The following PARP8 variants were observed in gnomAD, a reference collection of about 807,000 sequenced individuals.
PARP8 encodes protein mono-ADP-ribosyltransferase PARP8.
PARP8 carries 51 observed loss-of-function variants against 124.1 expected under a neutral mutation model. That is an observed-to-expected ratio of 0.41 (90% CI 0.33 to 0.52). PARP8 has a LOEUF of 0.52. Ranked by LOEUF, PARP8 falls within the 20% of genes least tolerant of loss-of-function variation. The probability of loss-of-function intolerance (pLI) is 0.21; values close to 1 mark genes in which losing one functional copy is unlikely to be tolerated. For missense variants in PARP8, 860 were observed against 1,018.9 expected (o/e 0.84, Z 2.12); for synonymous variants, 391 against 361.5 (o/e 1.08, Z -0.93).
At chr5:50,815,293 G>C (rs577925217) in intron 14 of PARP8, 139 bp from the exon 15 acceptor site, 3 of 526,604 alleles carry the variant, frequency 5.7e-6, no homozygotes, top group Non-Finnish European at 9.7e-6. Context: ...AATTTATTTC[G>C]TATTAAAATG....
intron 25 of PARP8, among the ~76,000 whole-genome samples, chr5:50,839,290 A>G (rs1027957309): frequency 1.3e-5 from 2 of 152,020 alleles, no homozygotes; most frequent in African/African-American, 4.8e-5. Flanking sequence ...TCATTCTACC[A>G]AAACCCAGTC....
intron 2 of PARP8, among the ~76,000 whole-genome samples, chr5:50,719,881 A>G (rs1336020539): frequency 6.6e-6 from 1 of 152,120 alleles, no homozygotes; most frequent in East Asian, 1.9e-4. Context: ...GATTTTCATT[A>G]TGAAAAGTCA....
At chr5:50,807,042 T>C (rs918623086) in intron 14 of PARP8, among the ~76,000 whole-genome samples, 5 of 151,998 alleles carry the variant, frequency 3.3e-5, no homozygotes, top group African/African-American at 1.2e-4. Context: ...TACATTTGCA[T>C]TTGTTAGATC....
chr5:50,730,156 G>C (rs1756831538), intron 2 of PARP8, among the ~76,000 whole-genome samples: 2 of 152,168 alleles, frequency 1.3e-5, no homozygotes, highest in South Asian at 4.1e-4. Flanking sequence ...TCTCAGTTCA[G>C]ATTTTAGGAG....
At chr5:50,839,046 C>G (rs1747887996) in intron 25 of PARP8, among the ~76,000 whole-genome samples, 1 of 151,960 alleles carries the variant, frequency 6.6e-6, no homozygotes, top group South Asian at 2.1e-4. Context: ...AGGTGGGTCT[C>G]AAACTCCTGG....
chr5:50,761,409 T>C (rs999379330), intron 5 of PARP8, among the ~76,000 whole-genome samples: 6 of 152,140 alleles, frequency 3.9e-5, no homozygotes, highest in Non-Finnish European at 8.8e-5. Flanking sequence ...AAGTTTCTTT[T>C]TTTTCATACC....
Position 50,788,593 on chromosome 5 carries a change from A to G in PARP8, c.737+4A>G. ...GATTGGGACATCAGCTGAAAAAGTA[A>G]GTTTGCTAAAGTGCAAAAAATAAAT... is the stretch of plus-strand genomic sequence containing the variant. On this transcript the variant is annotated splice_donor_region_variant and intron_variant, in intron 10 of 25. Coordinates refer to ENST00000281631, the MANE Select transcript of PARP8 (RefSeq NM_024615.4). 2.5e-6 allele frequency: 4 copies of G among 1,608,654 alleles called. No homozygotes were observed. The highest frequency in any genetic ancestry group is 3.4e-6 in the Non-Finnish European group (4 of 1,175,836).
chr5:50,793,231 G>A (rs768520999), intron 10 of PARP8, among the ~76,000 whole-genome samples: 6 of 152,200 alleles, frequency 3.9e-5, no homozygotes, highest in Admixed American at 3.3e-4. Context: ...AAAGCAATGT[G>A]TTAGAAATAA....
rs372997958 is a variant in PARP8 at position 50,739,709 on chromosome 5, CATATAT to C, written c.147-10423_147-10418del. Among the ~76,000 whole-genome samples the C allele has an allele frequency of 7.8e-3, 783 of 100,972 alleles. 61 individuals are homozygous for C. Among genetic ancestry groups the C allele is most frequent in the African/African-American group, 0.019 (438 of 23,674 alleles). 66.2% of individuals were successfully genotyped at this position (100,972 alleles called of 152,430 possible). A position where few individuals can be genotyped will look rare whatever the true frequency, so the allele number is the denominator to read the frequency against. On this transcript the variant is annotated intron_variant, in intron 2 of 25. Transcript: ENST00000281631. Reference sequence around the variant, plus strand: ...GACTTGGAAGATCAATGGGTATATACATATATATATATATATATATATATTTTTTTT... The same window carrying C: ...GACTTGGAAGATCAATGGGTATATACATATATATATATATATATTTTTTTT...
Position 50,806,432 on chromosome 5 carries a change from T to C in PARP8, c.1576-9000T>C, listed in dbSNP as rs1743850212. 3.9e-5 allele frequency among the ~76,000 whole-genome samples: 6 copies of C among 152,084 alleles called. 1 individual carries two copies. The South Asian group carries it at 1.2e-3, about 31-fold the overall frequency. ...AAATACTAGTTACTATTAGTATTCT[T>C]GGTGTCTCACTCCAAATTTTGTTTG... On this transcript the variant is annotated intron_variant, in intron 14 of 25. Coordinates refer to ENST00000281631, the MANE Select transcript of PARP8 (RefSeq NM_024615.4).
chr5:50,833,323 C>A, intron 23 of PARP8: 2 of 389,306 alleles, frequency 5.1e-6, no homozygotes, highest in South Asian at 1.9e-5. Context: ...TGAGTCAAGA[C>A]CTACAGATGA....
intron 2 of PARP8, among the ~76,000 whole-genome samples, chr5:50,722,492 G>A (rs559964825): frequency 6.6e-6 from 1 of 152,106 alleles, no homozygotes; most frequent in South Asian, 2.1e-4. Flanking sequence ...ATGGAGCTGA[G>A]TCCCCCACTC....
chr5:50,838,079 G>T (rs747089496), intron 25 of PARP8, among the ~76,000 whole-genome samples: 1 of 152,050 alleles, frequency 6.6e-6, no homozygotes, highest in East Asian at 1.9e-4. Context: ...AAATGCTCAC[G>T]TTATAACTGT....
chr5:50,757,583 T>C (rs1760103754), intron 3 of PARP8, among the ~76,000 whole-genome samples: 1 of 152,108 alleles, frequency 6.6e-6, no homozygotes, highest in Non-Finnish European at 1.5e-5. Context: ...TAAACACTAA[T>C]CAAAATACAA....
chr5:50,839,936 A>G (rs1747996240), intron 25 of PARP8, among the ~76,000 whole-genome samples: 1 of 151,910 alleles, frequency 6.6e-6, no homozygotes, highest in Non-Finnish European at 1.5e-5. Context: ...TATTTGAATG[A>G]TGAAGGAACT....
intron 22 of PARP8, 108 bp downstream of exon 22, chr5:50,830,069 T>C: frequency 1.6e-6 from 2 of 1,230,698 alleles, no homozygotes; most frequent in African/African-American, 1.5e-5. Context: ...TATATTTTTA[T>C]TAAATTTGTT....
chr5:50,694,609 T>C (rs533870595), intron 2 of PARP8, among the ~76,000 whole-genome samples: 1 of 152,250 alleles, frequency 6.6e-6, no homozygotes, highest in African/African-American at 2.4e-5. Flanking sequence ...CATTGAGATA[T>C]TACCTTCTAG....
In PARP8 at chr5:50,811,843, G is replaced by GT. The variant is rs1471261136; in HGVS notation, c.1576-3585dup. Among the ~76,000 whole-genome samples the GT allele has an allele frequency of 1.5e-4, 23 of 152,056 alleles. 1 individual carries two copies. Among genetic ancestry groups the GT allele is most frequent in the Non-Finnish European group, 7.4e-5 (5 of 68,002 alleles). ...TATGAGTGAGAACACGCGGTGTTTG[G>GT]TTTTCTGTCTTTGCGATAGTTTGCT... On this transcript the variant is annotated intron_variant, in intron 14 of 25. Coordinates refer to ENST00000281631, the MANE Select transcript of PARP8 (RefSeq NM_024615.4).
Position 50,799,656 on chromosome 5 carries a change from C to G in PARP8, c.1575+2423C>G, listed in dbSNP as rs534661669. On this transcript the variant is annotated intron_variant, in intron 14 of 25. Coordinates refer to ENST00000281631, the MANE Select transcript of PARP8 (RefSeq NM_024615.4). Reference sequence around the variant, plus strand: ...TTGTAAATCGGTTTGAAGACTGTTGCCATTGGCTATAGACTGGATGTGTTC... The same window carrying G: ...TTGTAAATCGGTTTGAAGACTGTTGGCATTGGCTATAGACTGGATGTGTTC... Among the ~76,000 whole-genome samples, 5 of 152,198 alleles carry G rather than the reference C, an allele frequency of 3.3e-5. No individual in the cohort carries two copies. In the South Asian group the frequency reaches 8.3e-4, roughly 25 times the overall value.
Sources: gnomAD v4.1 joint callset for allele counts (sites outside exome capture counted in the v4.1 genomes callset) on GRCh38, gnomAD v4.1.1 for gene constraint, MANE v1.5 for transcripts, NCBI Gene and HGNC (gene_info 2026-07-23, HGNC 2026-07-21) for gene names.